The following CDK14 variants were observed in gnomAD, a reference collection of about 807,000 sequenced individuals.
CDK14 encodes the protein cyclin-dependent kinase 14.
Under a neutral mutation model 60.7 loss-of-function variants are expected in CDK14, and 34 were observed. The observed-to-expected ratio is 0.56, with a 90% CI of 0.43 to 0.75. The LOEUF (loss-of-function observed/expected upper bound fraction) is 0.75. Among genes scored for constraint, CDK14 ranks in the 30% least tolerant of loss-of-function variants. The pLI, the probability that CDK14 is intolerant of heterozygous loss-of-function variation, is 0.00. For missense variants in CDK14, 482 were observed against 564.1 expected, an observed-to-expected ratio of 0.85 and a Z score of 1.47; for synonymous variants, 197 against 203.7, an observed-to-expected ratio of 0.97 and a Z score of 0.28.
At chr7:90,952,832 C>T (rs143108473) in intron 8 of CDK14, among the ~76,000 whole-genome samples, 1 of 152,116 alleles carries the variant, frequency 6.6e-6, no homozygotes, top group South Asian at 2.1e-4. Flanking sequence ...TAATCCTGTC[C>T]TACAGTTTTC....
rs115466711 is a variant in CDK14, at chr7:90,829,281, A to G, written c.545-33894A>G. On this transcript the variant is annotated intron_variant, in intron 5 of 14. Transcript: ENST00000380050. ...TCTTTCTCACATTTCAGAACCCATC[A>G]TGCCTTCCCAGCAGTCTCCCAAAGT... Among the ~76,000 whole-genome samples, 536 of 152,186 alleles carry G rather than the reference A, an allele frequency of 3.5e-3. 4 individuals carry two copies. Among genetic ancestry groups the G allele is most frequent in the African/African-American group, 0.012 (495 of 41,526 alleles).
At chr7:90,653,887 A>G (rs191357089) in intron 2 of CDK14, among the ~76,000 whole-genome samples, 1 of 152,192 alleles carries the variant, frequency 6.6e-6, no homozygotes, top group Non-Finnish European at 1.5e-5. Context: ...CTCATTGTTC[A>G]ATTCCCACCT....
chr7:90,813,929 AT>A (rs1330581836), intron 5 of CDK14, among the ~76,000 whole-genome samples: 1 of 152,174 alleles, frequency 6.6e-6, no homozygotes, highest in Non-Finnish European at 1.5e-5. Context: ...CCTCACCTAC[AT>A]TTTCTCCTAA....
intron 3 of CDK14, among the ~76,000 whole-genome samples, chr7:90,728,425 G>T (rs1307615087): frequency 4.0e-5 from 6 of 150,764 alleles, no homozygotes; most frequent in African/African-American, 1.5e-4. Context: ...TACCTTCTGG[G>T]TTTTTTTAAC....
At chr7:90,822,789 A>G (rs1789594579) in intron 5 of CDK14, among the ~76,000 whole-genome samples, 1 of 152,220 alleles carries the variant, frequency 6.6e-6, no homozygotes, top group African/African-American at 2.4e-5. Flanking sequence ...CTGGTGTTGT[A>G]ATCAGTATTG....
chr7:91,079,849 G>A (rs145854845), intron 12 of CDK14, among the ~76,000 whole-genome samples: 95 of 152,296 alleles, frequency 6.2e-4, no homozygotes, highest in African/African-American at 2.2e-3. Flanking sequence ...CAACTTTTGA[G>A]CTAAAGTTGA....
intron 5 of CDK14, among the ~76,000 whole-genome samples, chr7:90,834,759 T>G (rs1198563514): frequency 1.3e-5 from 2 of 152,166 alleles, no homozygotes; most frequent in Non-Finnish European, 2.9e-5. Flanking sequence ...TGTTTAGCAT[T>G]TACTGGAATG....
chr7:90,920,567 G>A (rs1295960924), intron 8 of CDK14, among the ~76,000 whole-genome samples: 1 of 152,174 alleles, frequency 6.6e-6, no homozygotes, highest in Non-Finnish European at 1.5e-5. Context: ...TGGTTGCAAA[G>A]CTGGAATTCA....
At chr7:90,693,351 C>T (rs375783893) in intron 2 of CDK14, among the ~76,000 whole-genome samples, 47 of 152,302 alleles carry the variant, frequency 3.1e-4, no homozygotes, top group African/African-American at 1.0e-3. Context: ...GATACCAACA[C>T]AGATTTGAAT....
intron 2 of CDK14, among the ~76,000 whole-genome samples, chr7:90,640,593 A>T (rs890308408): frequency 6.6e-6 from 1 of 152,122 alleles, no homozygotes; most frequent in Non-Finnish European, 1.5e-5. Flanking sequence ...TGTATGTTTT[A>T]TATGGATTAT....
At chr7:90,783,904 A>G (rs1356567339) in intron 4 of CDK14, among the ~76,000 whole-genome samples, 1 of 152,132 alleles carries the variant, frequency 6.6e-6, no homozygotes, top group Non-Finnish European at 1.5e-5. Context: ...CATATCATCC[A>G]GCAGTCCCAC....
At chr7:90,604,189 A>G (rs2116319595) in intron 1 of CDK14, 29 bp from the exon 2 acceptor site, 1 of 1,469,644 alleles carries the variant, frequency 6.8e-7, no homozygotes, top group Non-Finnish European at 9.3e-7. Flanking sequence ...TTTCACAATA[A>G]CTGTTTCCTT....
At chr7:90,990,875 TATTC>T (rs754658514) in intron 10 of CDK14, among the ~76,000 whole-genome samples, 2 of 152,202 alleles carry the variant, frequency 1.3e-5, no homozygotes, top group Non-Finnish European at 2.9e-5. Context: ...CACATTTAAT[TATTC>T]ATTCATTCAG....
intron 9 of CDK14, among the ~76,000 whole-genome samples, chr7:90,963,026 A>G (rs1401665840): frequency 5.2e-4 from 79 of 151,670 alleles, no homozygotes; most frequent in Non-Finnish European, 4.1e-4. Context: ...GGAAATTAAC[A>G]TACTGCCTGT....
intron 5 of CDK14, among the ~76,000 whole-genome samples, chr7:90,856,468 A>G (rs1425627811): frequency 6.6e-6 from 1 of 151,826 alleles, no homozygotes; most frequent in African/African-American, 2.4e-5. Flanking sequence ...TCACAGTCAC[A>G]GTGTTTATCA....
rs1307695032 is a variant in CDK14 at position 91,210,387 on chromosome 7, T to C, written c.*3251T>C. 1.3e-5 allele frequency: 2 copies of C among 152,506 alleles called. No homozygotes were observed. Among genetic ancestry groups the C allele is most frequent in the Non-Finnish European group, 2.9e-5 (2 of 68,026 alleles). The allele number at this position is 152,506 out of a possible 1,614,324, so 9.4% of individuals were successfully genotyped here. Reference sequence around the variant, plus strand: ...GAGATGTGTACTTTCTAACAGGGGATTGGTACCTAAGAAATGTGGTAGCAT... The same window carrying C: ...GAGATGTGTACTTTCTAACAGGGGACTGGTACCTAAGAAATGTGGTAGCAT... On this transcript the variant is annotated 3_prime_UTR_variant, in exon 15 of 15. Transcript: ENST00000380050.
At chr7:90,775,606 A>C in intron 4 of CDK14, among the ~76,000 whole-genome samples, 1 of 117,642 alleles carries the variant, frequency 8.5e-6, no homozygotes, top group South Asian at 2.9e-4. Context: ...ACCAGAGAAA[A>C]ACGAAAATAC....
At chr7:91,165,740 A>G (rs764104434) in intron 14 of CDK14, among the ~76,000 whole-genome samples, 4 of 152,238 alleles carry the variant, frequency 2.6e-5, no homozygotes, top group Non-Finnish European at 5.9e-5. Flanking sequence ...TAAGAATGTC[A>G]TCTTGCATTT....
chr7:90,856,379 T>C (rs1319175602), intron 5 of CDK14, among the ~76,000 whole-genome samples: 1 of 152,200 alleles, frequency 6.6e-6, no homozygotes, highest in Non-Finnish European at 1.5e-5. Flanking sequence ...ATTCCTCTAT[T>C]TTTTCATTCA....
Sources: gnomAD v4.1 joint callset for allele counts (sites outside exome capture counted in the v4.1 genomes callset) on GRCh38, gnomAD v4.1.1 for gene constraint, MANE v1.5 for transcripts, NCBI Gene and HGNC (gene_info 2026-07-23, HGNC 2026-07-21) for gene names.